The following PRMT7 variants were observed in gnomAD, a reference collection of about 807,000 sequenced individuals.
PRMT7 encodes protein arginine N-methyltransferase 7.
PRMT7 carries 75 observed loss-of-function variants against 85.4 expected under a neutral mutation model. The ratio of observed to expected loss-of-function variants is 0.88; its 90% CI spans 0.73 to 1.06. PRMT7 has a LOEUF of 1.06. PRMT7 is among the 50% of genes least tolerant of loss of function. PRMT7 has a pLI of 0.00. For missense variants in PRMT7, 868 were observed against 915.2 expected (o/e 0.95, Z 0.67); for synonymous variants, 397 against 359.5 (o/e 1.10, Z -1.18).
intron 7 of PRMT7, among the ~76,000 whole-genome samples, chr16:68,338,213 C>T (rs893173825): frequency 3.3e-5 from 5 of 152,060 alleles, no homozygotes; most frequent in South Asian, 2.1e-4. Flanking sequence ...ATCGTCCAGA[C>T]GCTGTGGTAC....
chr16:68,319,603 AAAAG>A (rs2082250095), intron 3 of PRMT7, among the ~76,000 whole-genome samples: 1 of 151,496 alleles, frequency 6.6e-6, no homozygotes, highest in Admixed American at 6.6e-5. Flanking sequence ...AAAAAAAAAA[AAAAG>A]AACCCCCTTC....
intron 6 of PRMT7, among the ~76,000 whole-genome samples, chr16:68,335,636 G>T (rs1225065079): frequency 6.6e-6 from 1 of 151,806 alleles, no homozygotes; most frequent in Non-Finnish European, 1.5e-5. Flanking sequence ...ATGAGACAGA[G>T]CCCATTCACC....
intron 5 of PRMT7, among the ~76,000 whole-genome samples, chr16:68,327,707 G>T (rs2151529997): frequency 6.6e-6 from 1 of 152,230 alleles, no homozygotes; most frequent in South Asian, 2.1e-4. Context: ...CAGCACTTTG[G>T]GTGGCTGAGA....
At chr16:68,316,175 G>T (rs902979262) in intron 3 of PRMT7, 101 bp downstream of exon 3, 14 of 1,029,308 alleles carry the variant, frequency 1.4e-5, no homozygotes, top group Admixed American at 4.0e-5. Context: ...CTGTCACCCA[G>T]TGCTTATGAT....
chr16:68,344,276 A>G (rs2085982431), intron 9 of PRMT7, among the ~76,000 whole-genome samples: 1 of 152,196 alleles, frequency 6.6e-6, no homozygotes, highest in African/African-American at 2.4e-5. Context: ...GCTGGCATCT[A>G]CTTTTTAGGG....
intron 9 of PRMT7, among the ~76,000 whole-genome samples, chr16:68,341,085 G>A (rs1032840214): frequency 1.6e-4 from 24 of 152,182 alleles, no homozygotes; most frequent in African/African-American, 5.6e-4. Context: ...ACTGCATCTG[G>A]GAATGGGGAC....
intron 10 of PRMT7, 133 bp downstream of exon 10, chr16:68,345,935 G>T: frequency 7.0e-7 from 1 of 1,418,740 alleles, no homozygotes; most frequent in Non-Finnish European, 9.6e-7. Flanking sequence ...AAAGATTTGT[G>T]ACCAGTGTGT....
downstream of PRMT7, chr16:68,359,546 G>A (rs1441759461): frequency 2.6e-5 from 4 of 152,810 alleles, no homozygotes; most frequent in African/African-American, 9.6e-5. Context: ...CTGGCTGCGT[G>A]GCCCCCTCTT....
At chr16:68,316,172 C>T in intron 3 of PRMT7, 98 bp downstream of exon 3, 5 of 1,058,340 alleles carry the variant, frequency 4.7e-6, no homozygotes, top group Non-Finnish European at 7.2e-6. Context: ...AGGCTGTCAC[C>T]CAGTGCTTAT....
intron 6 of PRMT7, among the ~76,000 whole-genome samples, chr16:68,335,302 A>G (rs2084504328): frequency 1.3e-5 from 2 of 152,214 alleles, no homozygotes; most frequent in African/African-American, 4.8e-5. Flanking sequence ...ACAGGCAGTC[A>G]GCGGTCCTGC....
In PRMT7 at chr16:68,357,062, C is replaced by T; in HGVS notation, c.1917C>T (p.Cys639=). The T allele has an allele frequency of 6.2e-7, 1 of 1,607,388 alleles. No homozygotes were observed. Among genetic ancestry groups the T allele is most frequent in the Non-Finnish European group, 8.5e-7 (1 of 1,176,694 alleles). The change falls in exon 19 of 19, where the codon TGC becomes TGT. Residue 639 remains cysteine (C), a synonymous_variant. Coordinates refer to ENST00000441236, the MANE Select transcript of PRMT7 (RefSeq NM_019023.5). ...TGCTCTTCTTCCTACAGGGGGGCTG[C>T]TGCTGGAACCCCCACTGCAAGCAGG... The part of the protein sequence containing the change: ...LLEPADPEGG[C]CWNPHCKQAV...
Position 68,329,093 on chromosome 16 carries a change from G to T in PRMT7, c.310G>T (p.Val104Leu). The change falls in exon 6 of 19, where the codon GTG becomes TTG. Residue 104 changes from valine to leucine, a missense_variant. By Grantham distance (32) the Val-to-Leu change is conservative. Coordinates refer to ENST00000441236, the MANE Select transcript of PRMT7 (RefSeq NM_019023.5). ...EVFKPMADAA[V>L]KIVEKNGFSD... ...TTTCAAGCCTATGGCTGATGCTGCT[G>T]TGAAGATTGTGGAGAAAAATGGCTT... 1 of 1,611,926 alleles carries T rather than the reference G, an allele frequency of 6.2e-7. No individual in the cohort carries two copies. Among genetic ancestry groups the T allele is most frequent in the East Asian group, 2.2e-5 (1 of 44,866 alleles).
At position 68,352,230 on chromosome 16, in the gene PRMT7, T is replaced by G. The variant is rs758671500; in HGVS notation, c.1414-18T>G. Reference sequence around the variant, plus strand: ...AGCCCTACTGACACCTGGGCCCTGCTTCTCGCCCATTCACCAGGTCTCTCT... The same window carrying G: ...AGCCCTACTGACACCTGGGCCCTGCGTCTCGCCCATTCACCAGGTCTCTCT... On this transcript the variant is annotated intron_variant, in intron 14 of 18. Transcript: ENST00000441236. 6.2e-7 allele frequency: 1 copy of G among 1,611,568 alleles called. No individual in the cohort carries two copies. Among genetic ancestry groups the G allele is most frequent in the Non-Finnish European group, 8.5e-7 (1 of 1,179,342 alleles).
Position 68,339,390 on chromosome 16 carries a change from G to T in PRMT7, c.573G>T (p.Trp191Cys), listed in dbSNP as rs779510373. The T allele has an allele frequency of 1.2e-6, 2 of 1,614,208 alleles. No homozygotes were observed. Among genetic ancestry groups the T allele is most frequent in the Middle Eastern group, 1.6e-4 (1 of 6,062 alleles). ...AGCTGGTGGAGTCCGGGAGGATGTGGTCGTGGAACAAGCTATTTCCCATCC... is the reference window on the plus strand; with the variant it reads ...AGCTGGTGGAGTCCGGGAGGATGTGTTCGTGGAACAAGCTATTTCCCATCC... ...YAQLVESGRM[W>C]SWNKLFPIHV... The change falls in exon 8 of 19, where the codon TGG (tryptophan) becomes TGT (cysteine). Residue 191 changes from tryptophan to cysteine, a missense_variant. Transcript: ENST00000441236.
intron 5 of PRMT7, 64 bp downstream of exon 5, chr16:68,324,896 C>A: frequency 6.3e-7 from 1 of 1,587,268 alleles, no homozygotes; most frequent in South Asian, 1.1e-5. Context: ...TGCTCTTGCA[C>A]TTTCCCCGTC....
chr16:68,348,446 C>G lies in PRMT7; in HGVS notation c.1413+15C>G, dbSNP rs1258857663. ...AGGGCAGAAAGGTGAGTAGCGGGAGCCTTTTGGCCACGCTGGGCTGTGTTA... is the reference window on the plus strand; with the variant it reads ...AGGGCAGAAAGGTGAGTAGCGGGAGGCTTTTGGCCACGCTGGGCTGTGTTA... On this transcript the variant is annotated intron_variant, in intron 14 of 18. Transcript: ENST00000441236. 1.3e-6 allele frequency: 2 copies of G among 1,593,268 alleles called. No homozygotes were observed. Among genetic ancestry groups the G allele is most frequent in the Middle Eastern group, 1.7e-4 (1 of 6,042 alleles).
intron 8 of PRMT7, 38 bp from the exon 9 acceptor site, chr16:68,339,750 G>GT (rs2085239544): frequency 1.9e-6 from 3 of 1,601,016 alleles, no homozygotes; most frequent in Non-Finnish European, 2.6e-6. Context: ...AGTGTGTGAG[G>GT]TTAAACTCTG....
intron 17 of PRMT7, among the ~76,000 whole-genome samples, 177 bp from the exon 18 acceptor site, chr16:68,356,523 GC>G (rs1167431826): frequency 6.6e-6 from 1 of 152,246 alleles, no homozygotes; most frequent in Non-Finnish European, 1.5e-5. Context: ...CTTGGCTGCG[GC>G]TCTTCTGGCT....
At chr16:68,332,397 G>T (rs1359636908) in intron 6 of PRMT7, among the ~76,000 whole-genome samples, 1 of 152,184 alleles carries the variant, frequency 6.6e-6, no homozygotes, top group Non-Finnish European at 1.5e-5. Context: ...ATTGCCACCT[G>T]TTGAGAACCA....
Sources: gnomAD v4.1 joint callset for allele counts (sites outside exome capture counted in the v4.1 genomes callset) on GRCh38, gnomAD v4.1.1 for gene constraint, MANE v1.5 for transcripts, NCBI Gene and HGNC (gene_info 2026-07-23, HGNC 2026-07-21) for gene names.